SPECC1L: variants seen among roughly 807,000 people sequenced by gnomAD.
SPECC1L encodes sperm antigen with calponin homology and coiled-coil domains 1 like.
In SPECC1L, 40 loss-of-function variants were observed where a neutral mutation model predicts 116.8. The observed-to-expected ratio is 0.34, with a 90% CI of 0.27 to 0.45. SPECC1L has a LOEUF of 0.45. Among genes scored for constraint, SPECC1L ranks in the 20% least tolerant of loss-of-function variants. The pLI is 1.00. For synonymous variants in SPECC1L, 504 were observed against 500.6 expected, an observed-to-expected ratio of 1.01 and a Z score of -0.09; for missense variants, 1,110 against 1,373.6, an observed-to-expected ratio of 0.81 and a Z score of 3.03.
intron 3 of SPECC1L, among the ~76,000 whole-genome samples, chr22:24,307,877 A>T (rs551947640): frequency 6.6e-6 from 1 of 151,244 alleles, no homozygotes; most frequent in African/African-American, 2.4e-5. Context: ...TCTAAATTTC[A>T]TATTTAGATC....
intron 2 of SPECC1L, among the ~76,000 whole-genome samples, chr22:24,297,555 T>G (rs929303927): frequency 1.3e-5 from 2 of 152,118 alleles, no homozygotes; most frequent in Non-Finnish European, 2.9e-5. Context: ...GATTGTGTCA[T>G]GCGCATCCTA....
chr22:24,325,628 T>G (rs2040806092), intron 6 of SPECC1L, among the ~76,000 whole-genome samples: 1 of 151,904 alleles, frequency 6.6e-6, no homozygotes, highest in East Asian at 1.9e-4. Context: ...GAAAAACACC[T>G]TTTAAAGAAC....
intron 4 of SPECC1L, among the ~76,000 whole-genome samples, chr22:24,317,062 G>A (rs550028943): frequency 2.5e-5 from 3 of 118,462 alleles, no homozygotes; most frequent in East Asian, 2.7e-4. Flanking sequence ...CCTCCCGGAG[G>A]GGGTGGCTGG....
intron 14 of SPECC1L, among the ~76,000 whole-genome samples, chr22:24,408,133 T>TC (rs1419764104): frequency 6.6e-6 from 1 of 152,168 alleles, no homozygotes; most frequent in Non-Finnish European, 1.5e-5. Context: ...TGTCCTGTCT[T>TC]CTCTGCCACC....
intron 14 of SPECC1L, among the ~76,000 whole-genome samples, chr22:24,388,348 T>G (rs932589355): frequency 8.6e-4 from 130 of 150,376 alleles, no homozygotes; most frequent in African/African-American, 3.2e-3. Context: ...TTTTTTTTTG[T>G]CCTTGCGATA....
intron 14 of SPECC1L, 86 bp from the exon 15 acceptor site, chr22:24,411,502 C>T: frequency 8.3e-7 from 1 of 1,208,552 alleles, no homozygotes; most frequent in South Asian, 1.2e-5. Context: ...GGCCATGCAG[C>T]ATCTGAGGCC....
intron 14 of SPECC1L, among the ~76,000 whole-genome samples, chr22:24,400,812 C>G (rs1290372052): frequency 1.3e-5 from 2 of 152,174 alleles, no homozygotes; most frequent in Admixed American, 6.5e-5. Flanking sequence ...AGTGACTAAC[C>G]GTGTTGAGCC....
In SPECC1L at chr22:24,330,303, A is replaced by G; in HGVS notation, c.2268A>G (p.Ala756=). ...AGTTTCAGGCTGATCTCCAGACTGC[A>G]GTAGTCATTGCAAATGACATTAAAT... ...WRQFQADLQT[A]VVIANDIKSE... The change falls in exon 8 of 17, where the codon GCA becomes GCG. Residue 756 remains alanine, a synonymous_variant. Transcript: ENST00000314328. 1 of 1,614,202 alleles carries G rather than the reference A, an allele frequency of 6.2e-7. No individual in the cohort carries two copies. The highest frequency in any genetic ancestry group is 8.5e-7 in the Non-Finnish European group (1 of 1,180,028).
chr22:24,379,971 TCTC>T (rs2042035293), intron 14 of SPECC1L, among the ~76,000 whole-genome samples: 1 of 152,112 alleles, frequency 6.6e-6, no homozygotes, highest in South Asian at 2.1e-4. Context: ...TGCATCTCCA[TCTC>T]CTTCTCCTGC....
At chr22:24,379,117 T>G (rs1208302005) in intron 14 of SPECC1L, among the ~76,000 whole-genome samples, 1 of 152,068 alleles carries the variant, frequency 6.6e-6, no homozygotes, top group East Asian at 1.9e-4. Flanking sequence ...ATTAAGTAAT[T>G]TTAGAACATT....
chr22:24,379,820 T>G (rs1291159637), intron 14 of SPECC1L, among the ~76,000 whole-genome samples: 2 of 152,216 alleles, frequency 1.3e-5, no homozygotes, highest in Non-Finnish European at 2.9e-5. Flanking sequence ...GGTTCTTTCA[T>G]TGCAAGATCT....
intron 2 of SPECC1L, among the ~76,000 whole-genome samples, chr22:24,279,011 A>G (rs1185376458): frequency 6.6e-6 from 1 of 152,242 alleles, no homozygotes; most frequent in African/African-American, 2.4e-5. Flanking sequence ...CAAAAGGATG[A>G]GGGAGGTATA....
chr22:24,385,062 CAAAAA>C (rs36080329), intron 14 of SPECC1L, among the ~76,000 whole-genome samples: 1 of 78,082 alleles, frequency 1.3e-5, no homozygotes, highest in African/African-American at 5.0e-5. Context: ...AACTCCGTCT[CAAAAA>C]AAAAAAAAAG....
chr22:24,317,315 ACC>A (rs1265065016), intron 4 of SPECC1L, among the ~76,000 whole-genome samples: 1 of 34,612 alleles, frequency 2.9e-5, no homozygotes, highest in Admixed American at 3.6e-4. Context: ...CGGGGGGCTG[ACC>A]CCCCCCACCT....
intron 14 of SPECC1L, among the ~76,000 whole-genome samples, chr22:24,405,709 G>A (rs1198119287): frequency 2.6e-5 from 4 of 151,858 alleles, no homozygotes; most frequent in Non-Finnish European, 4.4e-5. Flanking sequence ...GCATGGTGGC[G>A]GGTGCTTACA....
chr22:24,344,240 C>G (rs2041241740), intron 10 of SPECC1L, among the ~76,000 whole-genome samples: 1 of 151,754 alleles, frequency 6.6e-6, no homozygotes, highest in African/African-American at 2.4e-5. Flanking sequence ...AAAACTGAAT[C>G]CAGCAATATA....
intron 3 of SPECC1L, among the ~76,000 whole-genome samples, chr22:24,304,035 AAAAT>A (rs1483582695): frequency 6.6e-6 from 1 of 152,158 alleles, no homozygotes; most frequent in Non-Finnish European, 1.5e-5. Flanking sequence ...TAGTGGGAAA[AAAAT>A]GGAAAACATT....
chr22:24,393,929 T>C (rs2042318950), intron 14 of SPECC1L, among the ~76,000 whole-genome samples: 2 of 152,202 alleles, frequency 1.3e-5, no homozygotes, highest in African/African-American at 4.8e-5. Context: ...ATAAATAGAA[T>C]CATAGTGTGT....
intron 2 of SPECC1L, among the ~76,000 whole-genome samples, chr22:24,281,017 G>A (rs896829057): frequency 3.3e-5 from 5 of 152,170 alleles, no homozygotes; most frequent in African/African-American, 1.2e-4. Flanking sequence ...CTGTTACAGA[G>A]GAACAGGAAG....
Sources: gnomAD v4.1 joint callset for allele counts (sites outside exome capture counted in the v4.1 genomes callset) on GRCh38, gnomAD v4.1.1 for gene constraint, MANE v1.5 for transcripts, NCBI Gene and HGNC (gene_info 2026-07-23, HGNC 2026-07-21) for gene names.